The following SAP130 variants were observed in gnomAD, a reference collection of about 807,000 sequenced individuals.
The protein encoded by SAP130 is Sin3A associated protein 130.
In SAP130, 16 loss-of-function variants were observed where a neutral mutation model predicts 103.2. That is an observed-to-expected ratio of 0.16 (90% CI 0.10 to 0.24). The LOEUF (loss-of-function observed/expected upper bound fraction) is 0.24. Among genes scored for constraint, SAP130 ranks in the 10% least tolerant of loss-of-function variants. The probability of loss-of-function intolerance (pLI) is 1.00; values close to 1 mark genes in which losing one functional copy is unlikely to be tolerated. For synonymous variants in SAP130, 477 were observed against 497.0 expected, an observed-to-expected ratio of 0.96 and a Z score of 0.53; for missense variants, 990 against 1,359.7, an observed-to-expected ratio of 0.73 and a Z score of 4.28.
intron 15 of SAP130, among the ~76,000 whole-genome samples, chr2:127,958,809 C>T (rs906571515): frequency 1.3e-5 from 2 of 152,116 alleles, no homozygotes; most frequent in Non-Finnish European, 2.9e-5. Context: ...AAGGTATGTG[C>T]CACCATCCTT....
intron 7 of SAP130, among the ~76,000 whole-genome samples, chr2:128,005,660 T>C (rs962584508): frequency 4.6e-5 from 7 of 151,934 alleles, no homozygotes; most frequent in Non-Finnish European, 1.0e-4. Context: ...CTTTTTTTTT[T>C]TTTTGAGACA....
At chr2:127,944,173 G>A (rs78066848) in intron 19 of SAP130, among the ~76,000 whole-genome samples, 1 of 151,796 alleles carries the variant, frequency 6.6e-6, no homozygotes, top group Non-Finnish European at 1.5e-5. Context: ...CTGGGACTAG[G>A]GGGTGTGCAC....
intron 7 of SAP130, among the ~76,000 whole-genome samples, chr2:128,001,401 G>T (rs988030208): frequency 6.6e-5 from 10 of 152,128 alleles, no homozygotes; most frequent in African/African-American, 1.9e-4. Context: ...ATCACTTCAG[G>T]TGACATTCAA....
rs376522182 is a variant in SAP130, at chr2:127,953,879, T to TATACATACATACATAC, written c.2422+1091_2422+1106dup. ...ATAGAACTTATCACCCAAACATATA[T>TATACATACATACATAC]ATACATACATACATACATATATAAT... On this transcript the variant is annotated intron_variant, in intron 16 of 20. Transcript: ENST00000643581. This position sits in a 1 kb window ranked among gnomAD's most constrained non-coding sequence, Gnocchi z 4.0. Among the ~76,000 whole-genome samples the TATACATACATACATAC allele has an allele frequency of 8.5e-5, 13 of 152,290 alleles. No homozygotes were observed. The highest frequency in any genetic ancestry group is 3.1e-4 in the African/African-American group (13 of 41,550).
chr2:127,960,350 C>T (rs1335886397), intron 15 of SAP130, among the ~76,000 whole-genome samples: 3 of 152,116 alleles, frequency 2.0e-5, no homozygotes, highest in Non-Finnish European at 4.4e-5. Context: ...TCCAGACAGG[C>T]ACCGATACAG....
intron 15 of SAP130, among the ~76,000 whole-genome samples, chr2:127,970,138 G>C (rs1407805239): frequency 6.7e-6 from 1 of 149,782 alleles, no homozygotes; most frequent in Non-Finnish European, 1.5e-5. Flanking sequence ...TGAGGCAGGA[G>C]AATCTCTTGA....
chr2:127,987,090 A>G (rs1682457093), intron 13 of SAP130, 128 bp from the exon 14 acceptor site: 1 of 791,996 alleles, frequency 1.3e-6, no homozygotes, highest in East Asian at 2.6e-5. Context: ...TTTCAAACTG[A>G]TAAGGGACAG....
At chr2:128,001,986 G>GC (rs1490754664) in intron 7 of SAP130, among the ~76,000 whole-genome samples, 1 of 151,886 alleles carries the variant, frequency 6.6e-6, no homozygotes, top group Non-Finnish European at 1.5e-5. Context: ...GAGTGCAATG[G>GC]CATGATCTCA....
At chr2:127,976,007 G>C (rs1404070891) in intron 15 of SAP130, among the ~76,000 whole-genome samples, 2 of 152,098 alleles carry the variant, frequency 1.3e-5, no homozygotes, top group African/African-American at 4.8e-5. Flanking sequence ...ACCATGCCCG[G>C]CTAATTTTTT....
chr2:128,020,411 A>G (rs1163658456), intron 2 of SAP130, among the ~76,000 whole-genome samples: 1 of 152,246 alleles, frequency 6.6e-6, no homozygotes, highest in Non-Finnish European at 1.5e-5. Flanking sequence ...CAGACTTATA[A>G]CAAATACACC....
intron 18 of SAP130, among the ~76,000 whole-genome samples, chr2:127,947,295 T>G (rs1281808365): frequency 6.6e-6 from 1 of 152,128 alleles, no homozygotes; most frequent in Non-Finnish European, 1.5e-5. Context: ...TTCACAGTAC[T>G]TTGTTATGGC....
chr2:128,012,654 T>C (rs1263598749), intron 6 of SAP130, among the ~76,000 whole-genome samples: 1 of 152,046 alleles, frequency 6.6e-6, no homozygotes, highest in Admixed American at 6.6e-5. Context: ...ACCATGTTCT[T>C]GGAATATACA....
chr2:128,010,179 T>G (rs760351808), intron 7 of SAP130, 90 bp downstream of exon 7: 3 of 1,365,534 alleles, frequency 2.2e-6, no homozygotes, highest in Non-Finnish European at 3.0e-6. Flanking sequence ...AGCCACTCAA[T>G]AAATATTTAC....
intron 12 of SAP130, among the ~76,000 whole-genome samples, chr2:127,991,613 T>C (rs1157182766): frequency 6.6e-6 from 1 of 152,208 alleles, no homozygotes; most frequent in Non-Finnish European, 1.5e-5. Flanking sequence ...GTTATAGGCA[T>C]GAGCCACCGC....
chr2:128,002,051 T>A (rs1237200466), intron 7 of SAP130, among the ~76,000 whole-genome samples: 1 of 152,040 alleles, frequency 6.6e-6, no homozygotes, highest in Non-Finnish European at 1.5e-5. Context: ...CTTAGCCTCC[T>A]GAGTAGCTGG....
chr2:127,961,678 G>T (rs983536550), intron 15 of SAP130, among the ~76,000 whole-genome samples: 1 of 151,994 alleles, frequency 6.6e-6, no homozygotes, highest in Admixed American at 6.6e-5. Flanking sequence ...ATTTGGAGGC[G>T]GAAGGTGAGC....
chr2:128,027,615 T>TGGGCCGGCCGCC (rs1685617839), intron 1 of SAP130, among the ~76,000 whole-genome samples: 1 of 148,670 alleles, frequency 6.7e-6, no homozygotes, highest in Non-Finnish European at 1.5e-5. Flanking sequence ...CCAAACTCCC[T>TGGGCCGGCCGCC]GGGCCGGCCG....
intron 19 of SAP130, among the ~76,000 whole-genome samples, chr2:127,944,224 C>T (rs1270518518): frequency 6.6e-6 from 1 of 151,958 alleles, no homozygotes; most frequent in African/African-American, 2.4e-5. Context: ...TTTGTAGAGA[C>T]AGGGTCCCAC....
At chr2:127,985,708 A>T (rs1352924041) in intron 14 of SAP130, among the ~76,000 whole-genome samples, 1 of 152,004 alleles carries the variant, frequency 6.6e-6, no homozygotes, top group Non-Finnish European at 1.5e-5. Flanking sequence ...CCACGGATCT[A>T]GGTGAGGACA....
Sources: allele counts gnomAD v4.1 joint callset (sites outside exome capture counted in the v4.1 genomes callset), GRCh38; gene constraint gnomAD v4.1.1; non-coding constraint Gnocchi (gnomAD v3.1); transcripts MANE v1.5; gene names NCBI Gene and HGNC (gene_info 2026-07-23, HGNC 2026-07-21).